The following KLHL5 variants were observed in gnomAD, a reference collection of about 807,000 sequenced individuals.
KLHL5 encodes the protein kelch-like protein 5.
A neutral mutation model predicts 77.7 loss-of-function variants in KLHL5; 48 were observed. The observed-to-expected ratio is 0.62, with a 90% confidence interval of 0.49 to 0.79. The LOEUF is 0.79. KLHL5 is among the 30% of genes least tolerant of loss of function. The pLI, the probability that KLHL5 is intolerant of heterozygous loss-of-function variation, is 0.00. For missense variants in KLHL5, 723 were observed against 859.7 expected, an observed-to-expected ratio of 0.84 and a Z score of 1.99; for synonymous variants, 260 against 297.0, an observed-to-expected ratio of 0.88 and a Z score of 1.28.
intron 1 of KLHL5, among the ~76,000 whole-genome samples, chr4:39,051,604 G>A (rs1486055664): frequency 6.6e-6 from 1 of 152,208 alleles, no homozygotes; most frequent in African/African-American, 2.4e-5. Flanking sequence ...CTCAGTGGGA[G>A]TGATTTTCAC....
the KLHL5 span, among the ~76,000 whole-genome samples, chr4:39,132,463 G>A: frequency 6.6e-6 from 1 of 152,026 alleles, no homozygotes; most frequent in Admixed American, 6.6e-5. Context: ...AAAAAAAGTG[G>A]CCAGGTGCCA....
chr4:39,049,092 C>T (rs1437445632), intron 1 of KLHL5, among the ~76,000 whole-genome samples: 5 of 152,174 alleles, frequency 3.3e-5, no homozygotes, highest in African/African-American at 1.2e-4. Flanking sequence ...CTGGAATAGT[C>T]TGTGAACGGT....
chr4:39,078,703 C>T (rs1432953105), intron 2 of KLHL5, among the ~76,000 whole-genome samples: 1 of 151,550 alleles, frequency 6.6e-6, no homozygotes, highest in Non-Finnish European at 1.5e-5. Flanking sequence ...CTGTCTTCAC[C>T]CCCAGCAAAA....
chr4:39,075,972 A>C lies in KLHL5; in HGVS notation c.391A>C (p.Asn131His). 2.5e-6 allele frequency: 4 copies of C among 1,606,734 alleles called. No homozygotes were observed. Among genetic ancestry groups the C allele is most frequent in the Non-Finnish European group, 3.4e-6 (4 of 1,177,760 alleles). The change falls in exon 2 of 11, where the codon AAT becomes CAT. Residue 131 changes from asparagine (N) to histidine (H), a missense_variant. By Grantham distance (68) the Asn-to-His change is moderately conservative. Coordinates refer to ENST00000504108, the MANE Select transcript of KLHL5 (RefSeq NM_015990.5). Reference protein sequence around the residue: ...ESDSSSCRTSNSSQTLSSCHT... With the variant: ...ESDSSSCRTSHSSQTLSSCHT... ...GTTTTTTTTTCTTTTCAGGACTTCCAATAGTAGTCAGACATTATCATCCTG... is the reference window on the plus strand; with the variant it reads ...GTTTTTTTTTCTTTTCAGGACTTCCCATAGTAGTCAGACATTATCATCCTG...
chr4:39,136,942 G>A, the KLHL5 span, among the ~76,000 whole-genome samples: 1 of 152,190 alleles, frequency 6.6e-6, no homozygotes, highest in South Asian at 2.1e-4. Context: ...GGGCATCTGG[G>A]CCGGAGTGGG....
chr4:39,070,139 T>C (rs1182473587), intron 1 of KLHL5, among the ~76,000 whole-genome samples: 1 of 152,164 alleles, frequency 6.6e-6, no homozygotes, highest in East Asian at 1.9e-4. Flanking sequence ...GTTTGGGTCC[T>C]GTGCCCACGT....
chr4:39,110,105 C>A (rs1272228443), intron 8 of KLHL5, among the ~76,000 whole-genome samples: 1 of 152,072 alleles, frequency 6.6e-6, no homozygotes, highest in African/African-American at 2.4e-5. Flanking sequence ...CTTAAAAATA[C>A]CTCAACATTT....
chr4:39,075,470 G>A (rs1718928536), intron 1 of KLHL5, among the ~76,000 whole-genome samples: 1 of 152,092 alleles, frequency 6.6e-6, no homozygotes, highest in African/African-American at 2.4e-5. Context: ...GATTACCTGG[G>A]CTTTTGAGGA....
intron 10 of KLHL5, among the ~76,000 whole-genome samples, chr4:39,117,534 T>TA (rs1438798606): frequency 6.6e-6 from 1 of 152,136 alleles, no homozygotes; most frequent in African/African-American, 2.4e-5. Context: ...ATTCAAGAGA[T>TA]ATTGCCAGGT....
intron 2 of KLHL5, among the ~76,000 whole-genome samples, chr4:39,077,414 A>T (rs1205489944): frequency 1.3e-5 from 2 of 152,058 alleles, no homozygotes; most frequent in African/African-American, 4.8e-5. Flanking sequence ...GTGAGCCAAG[A>T]TCGCGCCACT....
At chr4:39,052,237 C>T (rs1451438007) in intron 1 of KLHL5, among the ~76,000 whole-genome samples, 1 of 152,080 alleles carries the variant, frequency 6.6e-6, no homozygotes, top group Non-Finnish European at 1.5e-5. Context: ...ACTCCTGCCT[C>T]AGCCTCCCGA....
chr4:39,104,511 A>G (rs548988727), intron 7 of KLHL5, among the ~76,000 whole-genome samples: 266 of 152,298 alleles, frequency 1.7e-3, no homozygotes, highest in Non-Finnish European at 2.9e-3. Flanking sequence ...CCTTATGGAT[A>G]TAGTACATAG....
intron 1 of KLHL5, among the ~76,000 whole-genome samples, chr4:39,055,950 T>TA (rs1490471308): frequency 1.3e-5 from 2 of 152,226 alleles, no homozygotes; most frequent in Admixed American, 6.5e-5. Context: ...AGGTATATAT[T>TA]ACAGTGATTT....
At chr4:39,044,940 C>T (rs1210754878), upstream of KLHL5, 2 of 963,788 alleles carry the variant, frequency 2.1e-6, no homozygotes, top group African/African-American at 2.0e-5. Context: ...CCGGGCCGGC[C>T]GGCGCCGGGG....
intron 5 of KLHL5, among the ~76,000 whole-genome samples, chr4:39,091,849 T>TG (rs1176815807): frequency 7.1e-6 from 1 of 141,288 alleles, no homozygotes; most frequent in Non-Finnish European, 1.5e-5. Context: ...CTAGTTTTTT[T>TG]TTTTTTTTTT....
intron 1 of KLHL5, among the ~76,000 whole-genome samples, chr4:39,051,194 A>G (rs1026585355): frequency 6.6e-5 from 10 of 152,212 alleles, no homozygotes; most frequent in African/African-American, 1.4e-4. Context: ...ATAAATTTCT[A>G]TCATTTTCTG....
At chr4:39,058,588 GCCTGTGTGACAGAGTGATAC>G (rs1327912618), upstream of KLHL5, among the ~76,000 whole-genome samples, 2 of 152,102 alleles carry the variant, frequency 1.3e-5, no homozygotes, top group Non-Finnish European at 2.9e-5. Context: ...CTGCACTCTA[GCCTGTGTGACAGAGTGATAC>G]CCTGTCTCAA....
chr4:39,130,113 T>A (rs1177722528), downstream of KLHL5, among the ~76,000 whole-genome samples: 1 of 152,018 alleles, frequency 6.6e-6, no homozygotes, highest in Non-Finnish European at 1.5e-5. Context: ...TACGCAGAAA[T>A]ATAGAGGTGT....
At position 39,103,285 on chromosome 4, in the gene KLHL5, A is replaced by G. The variant is rs1462105660; in HGVS notation, c.1301-2A>G. On this transcript the variant is annotated splice_acceptor_variant, in intron 6 of 10. Coordinates refer to ENST00000504108, the MANE Select transcript of KLHL5 (RefSeq NM_015990.5). LOFTEE classifies it high-confidence loss of function. Reference sequence around the variant, plus strand: ...ACATAACTTCTATATATTACTATGAAGGAGCAACAAGCATTGAAAAGTATG... The same window carrying G: ...ACATAACTTCTATATATTACTATGAGGGAGCAACAAGCATTGAAAAGTATG... The G allele has an allele frequency of 6.2e-7, 1 of 1,605,804 alleles. No individual in the cohort carries two copies. The highest frequency in any genetic ancestry group is 8.5e-7 in the Non-Finnish European group (1 of 1,174,820).
Sources: allele counts gnomAD v4.1 joint callset (sites outside exome capture counted in the v4.1 genomes callset), GRCh38; gene constraint gnomAD v4.1.1; transcripts MANE v1.5; gene names NCBI Gene and HGNC (gene_info 2026-07-23, HGNC 2026-07-21).